The following RPS6KA2 variants were observed in gnomAD, a reference collection of about 807,000 sequenced individuals.
RPS6KA2 encodes ribosomal protein S6 kinase A2.
In RPS6KA2, 42 loss-of-function variants were observed where a neutral mutation model predicts 91.8. That is an observed-to-expected ratio of 0.46 (90% CI 0.36 to 0.59). RPS6KA2 has a LOEUF of 0.59. Among genes scored for constraint, RPS6KA2 ranks in the 20% least tolerant of loss-of-function variants. The probability of loss-of-function intolerance (pLI) is 0.00; values close to 1 mark genes in which losing one functional copy is unlikely to be tolerated. For synonymous variants in RPS6KA2, 414 were observed against 393.6 expected (o/e 1.05, Z -0.61); for missense variants, 798 against 978.5 (o/e 0.82, Z 2.46).
rs1035045660 is a variant in RPS6KA2, at chr6:166,852,564, C to A, written c.123+5636G>T. Among the ~76,000 whole-genome samples, 4 of 152,150 alleles carry A rather than the reference C, an allele frequency of 2.6e-5. No individual in the cohort carries two copies. Among genetic ancestry groups the A allele is most frequent in the African/African-American group, 9.7e-5 (4 of 41,436 alleles). On this transcript the variant is annotated intron_variant, in intron 2 of 21. Coordinates refer to the RPS6KA2 transcript ENST00000503859. This position sits in a 1 kb window ranked among gnomAD's most constrained non-coding sequence, Gnocchi z 4.1. ...CTTTGGCCCAGAGCTCCTGAACACACCCGGCCTGGCTCTCTCTTTCACCCT... is the reference window on the plus strand; with the variant it reads ...CTTTGGCCCAGAGCTCCTGAACACAACCGGCCTGGCTCTCTCTTTCACCCT...
intron 2 of RPS6KA2, among the ~76,000 whole-genome samples, chr6:166,738,538 C>T (rs559832304): frequency 2.1e-4 from 32 of 152,320 alleles, no homozygotes; most frequent in Middle Eastern, 6.8e-3. Context: ...GGAGATTGCA[C>T]AGTACCTTGG....
intron 1 of RPS6KA2, among the ~76,000 whole-genome samples, chr6:166,564,718 G>A (rs1347756460): frequency 1.3e-5 from 2 of 152,224 alleles, no homozygotes; most frequent in South Asian, 2.1e-4. Context: ...CACAAATAAC[G>A]CAGTCTAGAA....
At chr6:166,671,301 T>C (rs1229176403) in intron 2 of RPS6KA2, among the ~76,000 whole-genome samples, 3 of 152,162 alleles carry the variant, frequency 2.0e-5, no homozygotes, top group East Asian at 3.8e-4. Context: ...ACAGCAAAGA[T>C]GGTGTGTCTG....
At chr6:166,422,608 A>T (rs1012982885) in intron 17 of RPS6KA2, among the ~76,000 whole-genome samples, 1 of 152,202 alleles carries the variant, frequency 6.6e-6, no homozygotes, top group Admixed American at 6.5e-5. Context: ...GCTTAGATTT[A>T]TAAACACATC....
chr6:166,759,494 A>G (rs1376922716), intron 2 of RPS6KA2, among the ~76,000 whole-genome samples: 2 of 152,152 alleles, frequency 1.3e-5, no homozygotes, highest in Non-Finnish European at 2.9e-5. Flanking sequence ...ACACGGGGAG[A>G]TTAATAGAAA....
At chr6:166,519,937 G>GGT (rs1393120988) in intron 3 of RPS6KA2, among the ~76,000 whole-genome samples, 2 of 152,036 alleles carry the variant, frequency 1.3e-5, no homozygotes, top group Admixed American at 1.3e-4. Flanking sequence ...ATGATTTCTG[G>GGT]GTGTGTGTGT....
intron 2 of RPS6KA2, among the ~76,000 whole-genome samples, chr6:166,721,677 C>T (rs1405936325): frequency 2.0e-5 from 3 of 152,300 alleles, no homozygotes; most frequent in East Asian, 3.9e-4. Context: ...GTCTCGGGGA[C>T]GGGAAAGATG....
At chr6:166,757,302 C>G (rs1778042228) in intron 2 of RPS6KA2, among the ~76,000 whole-genome samples, 1 of 152,128 alleles carries the variant, frequency 6.6e-6, no homozygotes, top group Admixed American at 6.5e-5. Flanking sequence ...TCAAACACAC[C>G]CTCAAACACA....
intron 1 of RPS6KA2, among the ~76,000 whole-genome samples, chr6:166,599,855 C>T (rs1213341792): frequency 1.3e-5 from 2 of 152,106 alleles, no homozygotes; most frequent in African/African-American, 2.4e-5. Flanking sequence ...CATCTCCATC[C>T]TCCATGCGTC....
chr6:166,415,470 G>A (rs546386617), intron 19 of RPS6KA2, among the ~76,000 whole-genome samples: 1 of 152,326 alleles, frequency 6.6e-6, no homozygotes, highest in Admixed American at 6.5e-5. Flanking sequence ...AGAGGCACAG[G>A]GGAAAGACGG....
chr6:166,840,353 G>A (rs572987028), intron 2 of RPS6KA2, among the ~76,000 whole-genome samples: 1 of 152,300 alleles, frequency 6.6e-6, no homozygotes, highest in East Asian at 1.9e-4. Flanking sequence ...GTGAGAGTGC[G>A]ACGGCCTTCC....
At chr6:166,741,094 C>A (rs558325930) in intron 2 of RPS6KA2, among the ~76,000 whole-genome samples, 55 of 152,354 alleles carry the variant, frequency 3.6e-4, no homozygotes, top group African/African-American at 1.3e-3. Flanking sequence ...TAAGCAAAAT[C>A]AGTGACACCT....
intron 16 of RPS6KA2, among the ~76,000 whole-genome samples, chr6:166,424,377 G>C (rs1346420974): frequency 6.6e-6 from 1 of 152,236 alleles, no homozygotes; most frequent in East Asian, 1.9e-4. Context: ...ACCCCAGTGT[G>C]TGGTCCTGGA....
At chr6:166,819,829 T>C (rs1779858990) in intron 2 of RPS6KA2, among the ~76,000 whole-genome samples, 1 of 152,216 alleles carries the variant, frequency 6.6e-6, no homozygotes, top group Admixed American at 6.5e-5. Context: ...ATCTTGTATT[T>C]ACTGTATTTA....
At chr6:166,454,365 GCGCA>G (rs1780019835) in intron 12 of RPS6KA2, among the ~76,000 whole-genome samples, 1 of 152,126 alleles carries the variant, frequency 6.6e-6, no homozygotes, top group African/African-American at 2.4e-5. Context: ...AGGCGGGGTG[GCGCA>G]CGCCTGTAAT....
At position 166,519,671 on chromosome 6, in the gene RPS6KA2, A is replaced by ACACGG. The variant is rs1432230636; in HGVS notation, c.299-9319_299-9315dup. On this transcript the variant is annotated intron_variant, in intron 3 of 20. Transcript: ENST00000265678. The stretch of plus-strand genomic sequence containing the variant: ...GCACACTGGTTTCCTTCCCAGGAAA[A>ACACGG]CACGGGAGGAAGCACTTTGTGAGAT... Among the ~76,000 whole-genome samples, 5 of 152,274 alleles carry ACACGG rather than the reference A, an allele frequency of 3.3e-5. No individual in the cohort carries two copies. The South Asian group carries it at 1.0e-3, about 32-fold the overall frequency.
chr6:166,487,979 G>T (rs963532028), intron 10 of RPS6KA2, among the ~76,000 whole-genome samples: 3 of 152,038 alleles, frequency 2.0e-5, no homozygotes, highest in African/African-American at 7.2e-5. Flanking sequence ...CTTTCTTTGG[G>T]GTTAAGGCAT....
rs550492670 is a variant in RPS6KA2 at position 166,721,672 on chromosome 6, G to A, written c.123+136528C>T. Among the ~76,000 whole-genome samples, 9 of 152,288 alleles carry A rather than the reference G, an allele frequency of 5.9e-5. No individual in the cohort carries two copies. In the East Asian group the frequency reaches 9.6e-4, roughly 16 times the overall value. ...GCCCCTCCTTCTAAGACCGAGTCTC[G>A]GGGACGGGAAAGATGCACAGCTGCT... On this transcript the variant is annotated intron_variant, in intron 2 of 21. Coordinates refer to the RPS6KA2 transcript ENST00000503859.
At chr6:166,506,959 A>G (rs116401357) in intron 5 of RPS6KA2, among the ~76,000 whole-genome samples, 454 of 152,228 alleles carry the variant, frequency 3.0e-3, no homozygotes, top group African/African-American at 0.011. Flanking sequence ...TTTCACGTCA[A>G]TCAGGGCCAC....
Sources: allele counts gnomAD v4.1 joint callset (sites outside exome capture counted in the v4.1 genomes callset), GRCh38; gene constraint gnomAD v4.1.1; non-coding constraint Gnocchi (gnomAD v3.1); transcripts MANE v1.5; gene names NCBI Gene and HGNC (gene_info 2026-07-23, HGNC 2026-07-21).